PRKAA1: variants seen among roughly 807,000 people sequenced by gnomAD.
The protein encoded by PRKAA1 is protein kinase AMP-activated catalytic subunit alpha 1.
In PRKAA1, 23 loss-of-function variants were observed where a neutral mutation model predicts 56.9. That is an observed-to-expected ratio of 0.40 (90% CI 0.29 to 0.57). The LOEUF (loss-of-function observed/expected upper bound fraction) is 0.57, where lower values mean the gene tolerates loss of function less well. PRKAA1 is among the 20% of genes least tolerant of loss of function. The pLI is 0.39. For synonymous variants in PRKAA1, 226 were observed against 227.0 expected (o/e 1.00, Z 0.04); for missense variants, 413 against 679.7 (o/e 0.61, Z 4.36).
At chr5:40,797,981 C>CG in intron 1 of PRKAA1, 82 bp downstream of exon 1, 1 of 1,556,606 alleles carries the variant, frequency 6.4e-7, no homozygotes, top group Non-Finnish European at 8.7e-7. Flanking sequence ...ACGCAGCGGG[C>CG]GGGGGAGGAT....
In PRKAA1 at chr5:40,761,431, C is replaced by A. The variant is rs1743182169; in HGVS notation, c.*1347G>T. 5 of 152,044 alleles carry A rather than the reference C, an allele frequency of 3.3e-5. No individual in the cohort carries two copies. Among genetic ancestry groups the A allele is most frequent in the Admixed American group, 2.6e-4 (4 of 15,238 alleles). 9.4% of individuals were successfully genotyped at this position (152,044 alleles called of 1,614,324 possible). The stretch of plus-strand genomic sequence containing the variant: ...AGGGGGAAAAAAGCATATATACATA[C>A]ACAAACAAACACATATATGCATATA... On this transcript the variant is annotated 3_prime_UTR_variant, in exon 9 of 9. Coordinates refer to ENST00000397128, the MANE Select transcript of PRKAA1 (RefSeq NM_006251.6).
chr5:40,797,798 CAGCCCCTCGT>C (rs1191773479), intron 1 of PRKAA1, among the ~76,000 whole-genome samples: 4 of 152,150 alleles, frequency 2.6e-5, no homozygotes, highest in African/African-American at 9.7e-5. Flanking sequence ...CTTCGCATCC[CAGCCCCTCGT>C]ACCTACCAGC....
chr5:40,784,302 A>G (rs1744380584), intron 1 of PRKAA1, among the ~76,000 whole-genome samples: 1 of 152,164 alleles, frequency 6.6e-6, no homozygotes, highest in Non-Finnish European at 1.5e-5. Context: ...TAAGTGCTAA[A>G]TAAATAATAG....
At position 40,762,876 on chromosome 5, in the gene PRKAA1, G is replaced by C; in HGVS notation, c.1582C>G (p.Leu528Val). 1.9e-6 allele frequency: 3 copies of C among 1,614,190 alleles called. No individual in the cohort carries two copies. Among genetic ancestry groups the C allele is most frequent in the Non-Finnish European group, 2.5e-6 (3 of 1,180,034 alleles). Residue 528 changes from leucine (L) to valine (V), a missense_variant, in exon 9 of 9, where the codon CTT (leucine) becomes GTT (valine). By Grantham distance (32) the Leu-to-Val change is conservative. Transcript: ENST00000397128. ...EVSLTSSVTS[L>V]DSSPVDLTPR... ...GTTAGGTCAACAGGAGAAGAGTCAA[G>C]TGAGGTCACAGATGAGGTAAGAGAA...
intron 6 of PRKAA1, among the ~76,000 whole-genome samples, chr5:40,765,676 T>TACAC (rs1743395842): frequency 6.6e-6 from 1 of 152,158 alleles, no homozygotes; most frequent in Non-Finnish European, 1.5e-5. Context: ...ACACTTCATA[T>TACAC]ACACTATCTC....
At chr5:40,774,824 G>T in intron 3 of PRKAA1, 1 of 901,516 alleles carries the variant, frequency 1.1e-6, no homozygotes, top group South Asian at 1.6e-5. Flanking sequence ...GAAAAAGTAT[G>T]GGCAGAGGGC....
chr5:40,769,120 T>G (rs1413531545), intron 5 of PRKAA1, among the ~76,000 whole-genome samples: 3 of 152,192 alleles, frequency 2.0e-5, no homozygotes, highest in African/African-American at 7.2e-5. Context: ...CTTTTCTAAC[T>G]ACTAGATATT....
intron 1 of PRKAA1, among the ~76,000 whole-genome samples, chr5:40,796,381 T>C (rs979314644): frequency 2.0e-5 from 3 of 151,928 alleles, no homozygotes; most frequent in Admixed American, 1.3e-4. Context: ...TTCAAGTCTA[T>C]ATTAGGGGAA....
intron 1 of PRKAA1, among the ~76,000 whole-genome samples, chr5:40,782,198 A>G (rs1744292765): frequency 6.6e-6 from 1 of 152,114 alleles, no homozygotes; most frequent in Non-Finnish European, 1.5e-5. Flanking sequence ...TCACAAACCA[A>G]CCAAACTCCT....
chr5:40,768,892 GTAGT>G (rs1743595379), intron 5 of PRKAA1: 1 of 1,564,072 alleles, frequency 6.4e-7, no homozygotes, highest in African/African-American at 1.4e-5. Flanking sequence ...CTCAATGCTG[GTAGT>G]TAGTAAATTG....
Position 40,760,282 on chromosome 5 carries a change from A to G in PRKAA1, c.*2496T>C, listed in dbSNP as rs1351983916. On this transcript the variant is annotated 3_prime_UTR_variant, in exon 9 of 9. Transcript: ENST00000397128. ...CTGCAATTGTCTGTGCATTTATCAT[A>G]CTATTTATAGAAGTGCAATATTTAA... 1 of 152,712 alleles carries G rather than the reference A, an allele frequency of 6.5e-6. No homozygotes were observed. The highest frequency in any genetic ancestry group is 1.5e-5 in the Non-Finnish European group (1 of 68,022). 9.5% of individuals were successfully genotyped at this position (152,712 alleles called of 1,614,324 possible).
Position 40,765,152 on chromosome 5 carries a change from G to T in PRKAA1, c.908C>A (p.Ala303Asp). 6.2e-7 allele frequency: 1 copy of T among 1,614,062 alleles called. No homozygotes were observed. Among genetic ancestry groups the T allele is most frequent in the Non-Finnish European group, 8.5e-7 (1 of 1,179,992 alleles). Residue 303 changes from alanine to aspartate, a missense_variant, in exon 7 of 9, where the codon GCC (alanine) becomes GAC (aspartate). Physicochemically the swap from Ala to Asp is moderately radical, Grantham distance 126 (BLOSUM62 -2). Transcript: ENST00000397128. ...AAACTTTTCACATACTTCTTTTAAG[G>T]CTTCATCATCAATCATGGTTGAACT... is the stretch of plus-strand genomic sequence containing the variant. Reference protein sequence around the residue: ...SYSSTMIDDEALKEVCEKFEC... With the variant: ...SYSSTMIDDEDLKEVCEKFEC...
At chr5:40,774,170 C>T (rs1743881196) in intron 3 of PRKAA1, among the ~76,000 whole-genome samples, 2 of 152,150 alleles carry the variant, frequency 1.3e-5, no homozygotes, top group Admixed American at 6.5e-5. Context: ...CATTTAATAC[C>T]CTATTCTTAA....
chr5:40,780,766 T>C (rs1342101993), intron 1 of PRKAA1, among the ~76,000 whole-genome samples: 2 of 152,152 alleles, frequency 1.3e-5, no homozygotes, highest in African/African-American at 4.8e-5. Flanking sequence ...AACAATTTGT[T>C]TTCTCTGGGC....
rs1429851696 is a variant in PRKAA1 at position 40,779,056 on chromosome 5, C to T, written c.128-1470G>A. Among the ~76,000 whole-genome samples the T allele has an allele frequency of 2.0e-5, 3 of 151,940 alleles. No individual in the cohort carries two copies. The East Asian group carries it at 5.8e-4, about 29-fold the overall frequency. ...TCAAGCAATCCACCAGCCTCAACTT[C>T]CCAAAGTGCTAGGATTATAGGTGTG... On this transcript the variant is annotated intron_variant, in intron 1 of 8. Coordinates refer to ENST00000397128, the MANE Select transcript of PRKAA1 (RefSeq NM_006251.6).
At chr5:40,776,859 T>C (rs1182174874) in intron 2 of PRKAA1, among the ~76,000 whole-genome samples, 2 of 152,132 alleles carry the variant, frequency 1.3e-5, no homozygotes, top group East Asian at 3.9e-4. Context: ...CACTGTTGGT[T>C]TTACAGCAAT....
intron 1 of PRKAA1, among the ~76,000 whole-genome samples, chr5:40,786,770 G>A (rs1744503949): frequency 9.3e-6 from 1 of 107,302 alleles, no homozygotes; most frequent in East Asian, 3.0e-4. Context: ...GTGAAACCCT[G>A]TCTCTACTAA....
At chr5:40,783,885 A>C (rs1561183009) in intron 1 of PRKAA1, among the ~76,000 whole-genome samples, 2 of 152,208 alleles carry the variant, frequency 1.3e-5, no homozygotes, top group Admixed American at 6.5e-5. Flanking sequence ...AGCAGTATGT[A>C]TACAAAGCAT....
intron 5 of PRKAA1, chr5:40,768,498 A>T (rs1743577033): frequency 4.3e-6 from 4 of 940,552 alleles, no homozygotes; most frequent in South Asian, 4.9e-5. Flanking sequence ...TTTTTTAAAA[A>T]TTTTTTAAAT....
Sources: gnomAD v4.1 joint callset for allele counts (sites outside exome capture counted in the v4.1 genomes callset) on GRCh38, gnomAD v4.1.1 for gene constraint, MANE v1.5 for transcripts, NCBI Gene and HGNC (gene_info 2026-07-23, HGNC 2026-07-21) for gene names.